Variants in PPP1R1C observed in about 807,000 individuals in gnomAD.
The protein encoded by PPP1R1C is protein phosphatase 1 regulatory subunit 1C.
Under a neutral mutation model 17.4 loss-of-function variants are expected in PPP1R1C, and 15 were observed. The ratio of observed to expected loss-of-function variants is 0.86; its 90% CI spans 0.58 to 1.33. The LOEUF (loss-of-function observed/expected upper bound fraction) is 1.33. PPP1R1C is among the 40% of genes most tolerant of loss of function. The pLI is 0.00. For missense variants in PPP1R1C, 143 were observed against 130.0 expected (o/e 1.10, Z -0.48); for synonymous variants, 35 against 43.1 (o/e 0.81, Z 0.73).
chr2:182,053,130 A>G (rs942040923), intron 2 of PPP1R1C, among the ~76,000 whole-genome samples: 6 of 152,246 alleles, frequency 3.9e-5, no homozygotes, highest in South Asian at 2.1e-4. Context: ...GAAGGATATT[A>G]GTATGAAAAA....
intron 2 of PPP1R1C, among the ~76,000 whole-genome samples, chr2:181,999,096 A>G (rs763447598): frequency 6.6e-6 from 1 of 152,216 alleles, no homozygotes; most frequent in Non-Finnish European, 1.5e-5. Context: ...GTACGCAGCC[A>G]TCATTGGAAT....
At chr2:182,089,308 AC>A (rs1004302076) in intron 4 of PPP1R1C, among the ~76,000 whole-genome samples, 1 of 152,106 alleles carries the variant, frequency 6.6e-6, no homozygotes, top group Non-Finnish European at 1.5e-5. Context: ...CTTAAAGACC[AC>A]CCCTATTTAG....
At chr2:182,098,062 T>C (rs1688994941) in intron 4 of PPP1R1C, among the ~76,000 whole-genome samples, 2 of 152,240 alleles carry the variant, frequency 1.3e-5, no homozygotes, top group African/African-American at 4.8e-5. Flanking sequence ...GTGTTTCTTT[T>C]CTTTTACACG....
intron 2 of PPP1R1C, among the ~76,000 whole-genome samples, chr2:182,016,785 A>G (rs1344115345): frequency 3.9e-5 from 6 of 152,222 alleles, no homozygotes; most frequent in Admixed American, 6.5e-5. Context: ...TGTTTCTGAT[A>G]ACAAACTGTG....
At chr2:181,998,026 T>G (rs1685662541) in intron 2 of PPP1R1C, among the ~76,000 whole-genome samples, 2 of 152,236 alleles carry the variant, frequency 1.3e-5, no homozygotes. Context: ...GTGACACATA[T>G]TGCTTTATTC....
intron 2 of PPP1R1C, among the ~76,000 whole-genome samples, chr2:182,006,936 C>T (rs955511306): frequency 5.9e-5 from 9 of 152,092 alleles, no homozygotes; most frequent in African/African-American, 2.2e-4. Flanking sequence ...GTAGATATTT[C>T]CTTGTATAAC....
At chr2:181,969,495 T>G (rs1419880309) in intron 1 of PPP1R1C, among the ~76,000 whole-genome samples, 1 of 152,186 alleles carries the variant, frequency 6.6e-6, no homozygotes, top group African/African-American at 2.4e-5. Flanking sequence ...TTCTTTGTTA[T>G]TTGTTGTTTT....
chr2:182,058,272 G>A (rs1446154583), intron 2 of PPP1R1C, among the ~76,000 whole-genome samples: 1 of 152,010 alleles, frequency 6.6e-6, no homozygotes, highest in Non-Finnish European at 1.5e-5. Context: ...GTACTAGTCA[G>A]CAATCTTGTA....
chr2:182,020,382 G>C (rs1185330286), intron 2 of PPP1R1C, among the ~76,000 whole-genome samples: 1 of 152,176 alleles, frequency 6.6e-6, no homozygotes, highest in Non-Finnish European at 1.5e-5. Flanking sequence ...GAAGGACTGT[G>C]CAACTTGTAC....
intron 4 of PPP1R1C, among the ~76,000 whole-genome samples, chr2:182,098,153 A>G (rs760498912): frequency 6.6e-6 from 1 of 152,112 alleles, no homozygotes; most frequent in Non-Finnish European, 1.5e-5. Context: ...TACCATGAAC[A>G]AGTTTATTGA....
chr2:182,041,290 T>A (rs1472900586), intron 2 of PPP1R1C, among the ~76,000 whole-genome samples: 1 of 152,164 alleles, frequency 6.6e-6, no homozygotes, highest in Non-Finnish European at 1.5e-5. Context: ...AGATATGGAC[T>A]TCTTATGAAG....
intron 2 of PPP1R1C, among the ~76,000 whole-genome samples, chr2:182,043,109 C>T (rs1687235114): frequency 6.6e-6 from 1 of 152,126 alleles, no homozygotes; most frequent in South Asian, 2.1e-4. Context: ...CAAAAGAGCA[C>T]ACAACTCAGC....
At chr2:182,097,790 C>T (rs1022134221) in intron 4 of PPP1R1C, among the ~76,000 whole-genome samples, 1 of 152,164 alleles carries the variant, frequency 6.6e-6, no homozygotes, top group African/African-American at 2.4e-5. Context: ...TCTCTTCCTG[C>T]TCTCTCAGTA....
chr2:182,127,172 T>C (rs980030064), intron 5 of PPP1R1C, among the ~76,000 whole-genome samples: 1 of 152,072 alleles, frequency 6.6e-6, no homozygotes, highest in African/African-American at 2.4e-5. Flanking sequence ...CAGCTGAACT[T>C]TGGTGACATA....
At chr2:182,018,930 G>A (rs2125161238) in intron 2 of PPP1R1C, among the ~76,000 whole-genome samples, 1 of 152,234 alleles carries the variant, frequency 6.6e-6, no homozygotes, top group South Asian at 2.1e-4. Flanking sequence ...GGATAATTGG[G>A]TAATTAGAAA....
intron 4 of PPP1R1C, among the ~76,000 whole-genome samples, chr2:182,085,172 G>A (rs992392272): frequency 1.3e-5 from 2 of 151,954 alleles, no homozygotes; most frequent in Non-Finnish European, 2.9e-5. Context: ...GGATCTTTGG[G>A]ATTTTCTAGG....
chr2:182,066,544 A>G (rs903257102), intron 4 of PPP1R1C, among the ~76,000 whole-genome samples: 5 of 152,118 alleles, frequency 3.3e-5, no homozygotes, highest in Non-Finnish European at 5.9e-5. Flanking sequence ...TAGACTTATT[A>G]TATCAGGGTT....
intron 5 of PPP1R1C, among the ~76,000 whole-genome samples, chr2:182,127,594 A>G (rs1420773834): frequency 6.6e-6 from 1 of 152,110 alleles, no homozygotes; most frequent in African/African-American, 2.4e-5. Flanking sequence ...AGTAGAAAGA[A>G]CAGTGGGAAG....
intron 4 of PPP1R1C, among the ~76,000 whole-genome samples, chr2:182,095,016 A>G (rs974217782): frequency 6.6e-6 from 1 of 152,154 alleles, no homozygotes; most frequent in African/African-American, 2.4e-5. Context: ...GTTGGCCAGG[A>G]GCGGTTGCTC....
Sources: gnomAD v4.1 joint callset for allele counts (sites outside exome capture counted in the v4.1 genomes callset) on GRCh38, gnomAD v4.1.1 for gene constraint, MANE v1.5 for transcripts, NCBI Gene and HGNC (gene_info 2026-07-23, HGNC 2026-07-21) for gene names.